Variants in ADARB2 observed in about 807,000 individuals in gnomAD.
ADARB2 encodes the protein inactive double-stranded RNA-specific editase B2.
Under a neutral mutation model 62.2 loss-of-function variants are expected in ADARB2, and 25 were observed. The observed-to-expected ratio is 0.40, with a 90% confidence interval of 0.29 to 0.56. The LOEUF (loss-of-function observed/expected upper bound fraction) is 0.56, where lower values mean the gene tolerates loss of function less well. ADARB2 is among the 20% of genes least tolerant of loss of function. ADARB2 has a pLI of 0.43. For synonymous variants in ADARB2, 572 were observed against 500.8 expected, an observed-to-expected ratio of 1.14 and a Z score of -1.90; for missense variants, 1,071 against 1,077.4, an observed-to-expected ratio of 0.99 and a Z score of 0.08.
chr10:1,250,999 C>T (rs925792163), intron 4 of ADARB2, among the ~76,000 whole-genome samples: 2 of 152,188 alleles, frequency 1.3e-5, no homozygotes, highest in Non-Finnish European at 2.9e-5. Flanking sequence ...CAAAGAGAGA[C>T]TATCCAATTA....
At chr10:1,464,125 G>A (rs1187223333) in intron 1 of ADARB2, among the ~76,000 whole-genome samples, 1 of 151,432 alleles carries the variant, frequency 6.6e-6, no homozygotes, top group African/African-American at 2.4e-5. Context: ...CCGGAGAAGA[G>A]GGTGGACACA....
intron 1 of ADARB2, among the ~76,000 whole-genome samples, chr10:1,402,672 T>C (rs1832675201): frequency 6.6e-6 from 1 of 152,158 alleles, no homozygotes; most frequent in Non-Finnish European, 1.5e-5. Flanking sequence ...CATCTCCTTC[T>C]GGTCAGAGGA....
intron 1 of ADARB2, among the ~76,000 whole-genome samples, chr10:1,405,141 C>T (rs1295123494): frequency 1.3e-5 from 2 of 152,190 alleles, no homozygotes; most frequent in Admixed American, 1.3e-4. Flanking sequence ...TAACGCTGCC[C>T]AGGCCCCATT....
intron 1 of ADARB2, among the ~76,000 whole-genome samples, chr10:1,519,088 A>T (rs1181333936): frequency 6.6e-6 from 1 of 151,250 alleles, no homozygotes; most frequent in Non-Finnish European, 1.5e-5. Context: ...ATTCCATGTA[A>T]CGTCTGTACA....
At chr10:1,655,700 T>A (rs1025600121) in intron 1 of ADARB2, among the ~76,000 whole-genome samples, 1 of 152,166 alleles carries the variant, frequency 6.6e-6, no homozygotes, top group African/African-American at 2.4e-5. Context: ...TGGAAATGCC[T>A]TTTTATTAGA....
intron 6 of ADARB2, among the ~76,000 whole-genome samples, chr10:1,219,876 GTGA>G (rs1319507602): frequency 6.3e-5 from 9 of 143,932 alleles, no homozygotes; most frequent in South Asian, 2.3e-4. Context: ...AATGGTGGTG[GTGA>G]TGATGGTGAT....
intron 1 of ADARB2, among the ~76,000 whole-genome samples, chr10:1,478,574 C>A (rs1290399412): frequency 6.6e-6 from 1 of 152,000 alleles, no homozygotes; most frequent in Non-Finnish European, 1.5e-5. Context: ...AAATAAGGAC[C>A]CTCAGACGGG....
At chr10:1,493,284 T>A (rs1831644330) in intron 1 of ADARB2, among the ~76,000 whole-genome samples, 1 of 152,224 alleles carries the variant, frequency 6.6e-6, no homozygotes, top group Non-Finnish European at 1.5e-5. Flanking sequence ...TGGTGCAGGT[T>A]ACAGAAAAAT....
At chr10:1,273,060 G>A (rs1206856301) in intron 3 of ADARB2, among the ~76,000 whole-genome samples, 1 of 152,180 alleles carries the variant, frequency 6.6e-6, no homozygotes, top group African/African-American at 2.4e-5. Context: ...GCCTCTTGTA[G>A]GGACAATTGT....
chr10:1,581,547 G>T (rs1375784296), intron 1 of ADARB2, among the ~76,000 whole-genome samples: 3 of 152,204 alleles, frequency 2.0e-5, no homozygotes, highest in Non-Finnish European at 4.4e-5. Flanking sequence ...ACGTAAACCT[G>T]TAGAATGGAA....
chr10:1,689,332 G>A lies in ADARB2; in HGVS notation c.100+47719C>T, dbSNP rs74108984. On this transcript the variant is annotated intron_variant, in intron 1 of 9. Coordinates refer to ENST00000381312, the MANE Select transcript of ADARB2 (RefSeq NM_018702.4). ...TGAGTTACCTGCACAGGAGGGCTAC[G>A]TGCCCTGGACCATGAAGAGAGGCAG... 7.7e-3 allele frequency among the ~76,000 whole-genome samples: 1,175 copies of A among 152,304 alleles called. 12 individuals carry two copies. The highest frequency in any genetic ancestry group is 0.027 in the African/African-American group (1,114 of 41,564).
chr10:1,500,977 C>A (rs936419158), intron 1 of ADARB2, among the ~76,000 whole-genome samples: 1 of 152,178 alleles, frequency 6.6e-6, no homozygotes, highest in East Asian at 1.9e-4. Flanking sequence ...CAGGTTCAAG[C>A]GATTCTCCTG....
chr10:1,341,059 C>A (rs1049057771), intron 3 of ADARB2, among the ~76,000 whole-genome samples: 5 of 151,620 alleles, frequency 3.3e-5, no homozygotes, highest in Non-Finnish European at 5.9e-5. Flanking sequence ...ACGTGCCCCA[C>A]AGCGGCGATA....
intron 3 of ADARB2, among the ~76,000 whole-genome samples, chr10:1,283,954 G>T (rs930083118): frequency 6.6e-6 from 1 of 152,188 alleles, no homozygotes; most frequent in African/African-American, 2.4e-5. Flanking sequence ...GGAAACATTT[G>T]TTTTTGGGAT....
chr10:1,363,917 C>A lies in ADARB2; in HGVS notation c.188G>T (p.Ser63Ile). Reference sequence around the variant, plus strand: ...CTCCTTCACCTCCGCGCTGCTGGTACCTGGAGGGGAGAACAGACCAGTCAG... The same window carrying A: ...CTCCTTCACCTCCGCGCTGCTGGTAACTGGAGGGGAGAACAGACCAGTCAG... Reference protein sequence around the residue: ...ITNTEDDDTLSTSSAEVKENR... With the variant: ...ITNTEDDDTLITSSAEVKENR... Residue 63 changes from serine to isoleucine, a missense_variant and splice_region_variant, in exon 3 of 10, where the codon AGT becomes ATT. Ser to Ile is a moderately radical substitution (Grantham distance 142). Transcript: ENST00000381312. 6.8e-7 allele frequency: 1 copy of A among 1,464,038 alleles called. No homozygotes were observed. Among genetic ancestry groups the A allele is most frequent in the South Asian group, 1.4e-5 (1 of 70,110 alleles). 90.7% of individuals were successfully genotyped at this position (1,464,038 alleles called of 1,614,324 possible).
chr10:1,266,868 A>G (rs1249181483), intron 4 of ADARB2, among the ~76,000 whole-genome samples: 3 of 152,196 alleles, frequency 2.0e-5, no homozygotes, highest in African/African-American at 2.4e-5. Context: ...AAAGATTTAA[A>G]TAATGAAAAT....
At chr10:1,710,494 A>T (rs1291768430) in intron 1 of ADARB2, among the ~76,000 whole-genome samples, 8 of 149,646 alleles carry the variant, frequency 5.3e-5, no homozygotes, top group Admixed American at 6.8e-5. Context: ...TGGAGGGATA[A>T]GGATGAGATG....
intron 1 of ADARB2, among the ~76,000 whole-genome samples, chr10:1,575,183 C>G (rs186872379): frequency 5.9e-5 from 9 of 152,246 alleles, no homozygotes; most frequent in Admixed American, 5.9e-4. Flanking sequence ...ATTCACCCCT[C>G]ATGGAACGGC....
At chr10:1,444,291 ATCCATCCAT>A (rs1830938874) in intron 1 of ADARB2, among the ~76,000 whole-genome samples, 1 of 122,252 alleles carries the variant, frequency 8.2e-6, no homozygotes, top group African/African-American at 2.9e-5. Context: ...ACATCCATCC[ATCCATCCAT>A]CCATCCATCC....
Sources: allele counts gnomAD v4.1 joint callset (sites outside exome capture counted in the v4.1 genomes callset), GRCh38; gene constraint gnomAD v4.1.1; transcripts MANE v1.5; gene names NCBI Gene and HGNC (gene_info 2026-07-23, HGNC 2026-07-21).